The following ACTN3 variants were observed in gnomAD, a reference collection of about 807,000 sequenced individuals.
ACTN3 encodes the protein alpha-actinin-3.
Under a neutral mutation model 119.6 loss-of-function variants are expected in ACTN3, and 91 were observed. The ratio of observed to expected loss-of-function variants is 0.76; its 90% confidence interval spans 0.64 to 0.91. ACTN3 has a LOEUF of 0.91. Ranked by LOEUF, ACTN3 falls within the 40% of genes least tolerant of loss-of-function variation. The pLI is 0.00. For synonymous variants in ACTN3, 456 were observed against 478.8 expected (o/e 0.95, Z 0.62); for missense variants, 1,221 against 1,215.1 (o/e 1.00, Z -0.07).
intron 8 of ACTN3, among the ~76,000 whole-genome samples, chr11:66,556,784 G>A (rs1291354833): frequency 2.0e-5 from 3 of 150,958 alleles, no homozygotes; most frequent in East Asian, 2.0e-4. Flanking sequence ...TTTTTGAGAC[G>A]GAGTCTTGCT....
Position 66,560,637 on chromosome 11 carries a change from C to A in ACTN3, c.1742C>A (p.Ala581Asp). Residue 581 changes from alanine (A) to aspartate (D), a missense_variant, in exon 15 of 21, where the codon GCC becomes GAC. Coordinates refer to ENST00000513398, the MANE Select transcript of ACTN3 (RefSeq NM_001104.4). ...CCCGAGGCTGACCGAGAGCGAGGTGCCATCATGGGCATCCAGGGTGAGATC... is the reference window on the plus strand; with the variant it reads ...CCCGAGGCTGACCGAGAGCGAGGTGACATCATGGGCATCCAGGGTGAGATC... ...TLPEADRERG[A>D]IMGIQGEIQK... 6.2e-7 allele frequency: 1 copy of A among 1,613,860 alleles called. No individual in the cohort carries two copies.
Position 66,560,778 on chromosome 11 carries a change from C to T in ACTN3, c.1860+23C>T, listed in dbSNP as rs777906036. On this transcript the variant is annotated intron_variant, in intron 15 of 20. Coordinates refer to ENST00000513398, the MANE Select transcript of ACTN3 (RefSeq NM_001104.4). ...ATGGTCAGTGCCACCTGCAGCCTTC[C>T]TCCCACCCCCTCCTGCATACTGTGA... The T allele has an allele frequency of 7.6e-6, 12 of 1,587,886 alleles. No homozygotes were observed. The South Asian group carries it at 1.1e-4, about 15-fold the overall frequency.
rs1192812672 is a variant in ACTN3, at chr11:66,557,867, C to T, written c.1066C>T (p.Gln356Ter). The T allele has an allele frequency of 1.2e-6, 2 of 1,614,086 alleles. No homozygotes were observed. The highest frequency in any genetic ancestry group is 2.7e-5 in the African/African-American group (2 of 74,938). ...GCTGGAGATCAACTTCAACACACTG[C>T]AGACCAAGTTGCGGCTCAGCCACCG... ...CQLEINFNTLQTKLRLSHRPA... is the reference protein window; with the variant it reads ...CQLEINFNTL The change falls in exon 10 of 21, where the codon CAG (glutamine) becomes TAG (stop). Residue 356 changes from glutamine to a stop codon, truncating the protein, a stop_gained. Coordinates refer to ENST00000513398, the MANE Select transcript of ACTN3 (RefSeq NM_001104.4). LOFTEE classifies it high-confidence loss of function.
At chr11:66,558,314 C>T in intron 11 of ACTN3, 140 bp downstream of exon 11, 4 of 1,265,316 alleles carry the variant, frequency 3.2e-6, no homozygotes, top group Non-Finnish European at 4.3e-6. Context: ...GATTTCTAGT[C>T]CCACCCTGAC....
At position 66,561,305 on chromosome 11, in the gene ACTN3, C is replaced by T. The variant is rs772039426; in HGVS notation, c.1939C>T (p.Arg647Ter). 2.2e-5 allele frequency: 35 copies of T among 1,610,176 alleles called. No individual in the cohort carries two copies. The highest frequency in any genetic ancestry group is 3.4e-5 in the Admixed American group (2 of 59,680). ...GCAGCAGGTAAACGAGAGGCTCCGG[C>T]GACAGTTTGCGGCCCAGGCCAATGC... The part of the protein sequence containing the change: ...ARQQVNERLR[R>*]QFAAQANAIG... Residue 647 changes from arginine (R) to a stop codon, truncating the protein, a stop_gained, in exon 16 of 21, where the codon CGA becomes TGA. Transcript: ENST00000513398. LOFTEE classifies it high-confidence loss of function.
Position 66,560,412 on chromosome 11 carries a change from A to C in ACTN3, c.1677+101A>C, listed in dbSNP as rs988327208. The C allele has an allele frequency of 2.7e-6, 4 of 1,499,458 alleles. No individual in the cohort carries two copies. In the African/African-American group the frequency reaches 4.2e-5, roughly 16 times the overall value. 92.9% of individuals were successfully genotyped at this position (1,499,458 alleles called of 1,614,324 possible). On this transcript the variant is annotated intron_variant, in intron 14 of 20. Transcript: ENST00000513398. ...GCTCCTGGGGCATAGGGATGGGAGG[A>C]AAACCCCAGTTCCCGAGTGCTGGGC... is the stretch of plus-strand genomic sequence containing the variant.
chr11:66,557,995 C>T (rs761446369), intron 10 of ACTN3, 32 bp from the exon 11 acceptor site: 14 of 1,613,284 alleles, frequency 8.7e-6, no homozygotes, highest in Admixed American at 1.7e-5. Context: ...ATGGGCAAAC[C>T]GTGATGGAGC....
intron 3 of ACTN3, among the ~76,000 whole-genome samples, chr11:66,552,227 G>T (rs1336188136): frequency 6.6e-6 from 1 of 151,722 alleles, no homozygotes; most frequent in Non-Finnish European, 1.5e-5. Flanking sequence ...AAAATACGCT[G>T]GGTGTGGCGG....
At chr11:66,550,421 T>A (rs1857446594) in intron 1 of ACTN3, among the ~76,000 whole-genome samples, 1 of 152,190 alleles carries the variant, frequency 6.6e-6, no homozygotes, top group Non-Finnish European at 1.5e-5. Flanking sequence ...AGGCTGAGGC[T>A]GAGGCTGACT....
Position 66,556,299 on chromosome 11 carries a change from A to C in ACTN3, c.804+69A>C, listed in dbSNP as rs1857588713. ...GGCCCAACCTTGGCTGTAGTCCAAC[A>C]TTGGAGGCGCCAGACCACGGAGGTT... On this transcript the variant is annotated intron_variant, in intron 8 of 20. Transcript: ENST00000513398. 4 of 1,491,682 alleles carry C rather than the reference A, an allele frequency of 2.7e-6. No individual in the cohort carries two copies. In the South Asian group the frequency reaches 4.7e-5, roughly 18 times the overall value. 92.4% of individuals were successfully genotyped at this position (1,491,682 alleles called of 1,614,324 possible).
chr11:66,560,313 T>G lies in ACTN3; in HGVS notation c.1677+2T>G, dbSNP rs1269551719. The G allele has an allele frequency of 1.2e-6, 2 of 1,611,602 alleles. No homozygotes were observed. Among genetic ancestry groups the G allele is most frequent in the African/African-American group, 1.3e-5 (1 of 74,858 alleles). ...GTACACTCTGTGGAGGAGACCCAGG[T>G]GGGTGCCAGGGTTGCAGGGGATGGA... On this transcript the variant is annotated splice_donor_variant, in intron 14 of 20. Coordinates refer to ENST00000513398, the MANE Select transcript of ACTN3 (RefSeq NM_001104.4). LOFTEE classifies it high-confidence loss of function.
intron 4 of ACTN3, 93 bp downstream of exon 4, chr11:66,554,224 A>G (rs1055817437): frequency 4.0e-6 from 4 of 989,168 alleles, no homozygotes; most frequent in Non-Finnish European, 6.2e-6. Flanking sequence ...GACCACTTGA[A>G]GGATCGCCCA....
chr11:66,552,855 C>G (rs1474284782), intron 3 of ACTN3, among the ~76,000 whole-genome samples: 3 of 107,142 alleles, frequency 2.8e-5, no homozygotes, highest in African/African-American at 4.5e-5. Flanking sequence ...GACTCTGTCT[C>G]TCTCTCTCTC....
intron 3 of ACTN3, among the ~76,000 whole-genome samples, chr11:66,553,437 C>T (rs1565304613): frequency 6.6e-6 from 1 of 151,846 alleles, no homozygotes; most frequent in Non-Finnish European, 1.5e-5. Context: ...AGCCTGTAGT[C>T]CCCGCTATTA....
rs750800258 is a variant in ACTN3 at position 66,551,361 on chromosome 11, T to C, written c.262+8T>C. 2 of 1,597,170 alleles carry C rather than the reference T, an allele frequency of 1.3e-6. No homozygotes were observed. The highest frequency in any genetic ancestry group is 1.7e-6 in the Non-Finnish European group (2 of 1,171,632). ...TCCTGGAGGTCATTTCAGGTGAGGA[T>C]GGCAAATCAGTGCACCTGGGCCCCA... On this transcript the variant is annotated splice_region_variant and intron_variant, in intron 2 of 20. Coordinates refer to ENST00000513398, the MANE Select transcript of ACTN3 (RefSeq NM_001104.4).
rs1257502907 is a variant in ACTN3, at chr11:66,557,686, C to T, written c.898-13C>T. 1 of 1,602,496 alleles carries T rather than the reference C, an allele frequency of 6.2e-7. No individual in the cohort carries two copies. The highest frequency in any genetic ancestry group is 1.7e-5 in the Admixed American group (1 of 58,440). The stretch of plus-strand genomic sequence containing the variant: ...GCAGAGCTGTCTGCCTTGCCCCTGC[C>T]TGGCCCTGTCAGCTGCTGGAGTGGA... On this transcript the variant is annotated splice_polypyrimidine_tract_variant and intron_variant, in intron 9 of 20. Transcript: ENST00000513398.
chr11:66,554,483 A>G, intron 4 of ACTN3, 53 bp from the exon 5 acceptor site: 4 of 1,242,250 alleles, frequency 3.2e-6, no homozygotes, highest in Non-Finnish European at 2.2e-6. Flanking sequence ...GAAGTGTGAG[A>G]GGGCTGACCT....
At position 66,562,847 on chromosome 11, in the gene ACTN3, G is replaced by A; in HGVS notation, c.2440G>A (p.Gly814Arg). 6.2e-7 allele frequency: 1 copy of A among 1,613,842 alleles called. No individual in the cohort carries two copies. The change falls in exon 20 of 21, where the codon GGG becomes AGG. Residue 814 changes from glycine to arginine, a missense_variant. Gly to Arg is a moderately radical substitution (Grantham distance 125). Around this residue, in one of 3 missense-constraint regions of ACTN3, gnomAD observed 934 missense variants for 899.9 expected, o/e 1.04. Transcript: ENST00000513398. ...GACCATGGTGGACCCCAACGCAGCT[G>A]GGGTGGTGACCTTCCAGGCCTTCAT... Reference protein sequence around the residue: ...IMTMVDPNAAGVVTFQAFIDF... With the variant: ...IMTMVDPNAARVVTFQAFIDF...
rs751730370 is a variant in ACTN3, at chr11:66,562,879, C to T, written c.2472C>T (p.Phe824=). The T allele has an allele frequency of 6.2e-7, 1 of 1,613,832 alleles. No individual in the cohort carries two copies. Among genetic ancestry groups the T allele is most frequent in the Non-Finnish European group, 8.5e-7 (1 of 1,179,830 alleles). The change falls in exon 20 of 21, where the codon TTC becomes TTT. Residue 824 remains phenylalanine (F), a synonymous_variant. Coordinates refer to ENST00000513398, the MANE Select transcript of ACTN3 (RefSeq NM_001104.4). ...TGACCTTCCAGGCCTTCATAGACTT[C>T]ATGACCCGAGAGACAGCCGAGACTG... ...GVVTFQAFID[F]MTRETAETDT... is the part of the protein sequence containing the mutation.
Sources: gnomAD v4.1 joint callset for allele counts (sites outside exome capture counted in the v4.1 genomes callset) on GRCh38, gnomAD v4.1.1 for gene constraint, gnomAD v4.1.1 regional missense constraint, MANE v1.5 for transcripts, NCBI Gene and HGNC (gene_info 2026-07-23, HGNC 2026-07-21) for gene names.